The following DTNBP1 variants were observed in gnomAD, a reference collection of about 807,000 sequenced individuals.
DTNBP1 encodes dystrobrevin binding protein 1.
DTNBP1 carries 35 observed loss-of-function variants against 42.8 expected under a neutral mutation model. The ratio of observed to expected loss-of-function variants is 0.82; its 90% CI spans 0.63 to 1.09. The LOEUF is 1.09. DTNBP1 is among the 50% of genes least tolerant of loss of function. DTNBP1 has a pLI of 0.00. For synonymous variants in DTNBP1, 171 were observed against 162.2 expected, an observed-to-expected ratio of 1.05 and a Z score of -0.41; for missense variants, 457 against 424.2, an observed-to-expected ratio of 1.08 and a Z score of -0.68.
chr6:15,545,786 A>AT (rs1252625098), intron 7 of DTNBP1, among the ~76,000 whole-genome samples: 5 of 152,212 alleles, frequency 3.3e-5, no homozygotes, highest in African/African-American at 1.2e-4. Context: ...CCTTAAGGAA[A>AT]TGACCACTAT....
chr6:15,591,472 T>C (rs1776296399), intron 7 of DTNBP1, among the ~76,000 whole-genome samples: 1 of 152,166 alleles, frequency 6.6e-6, no homozygotes, highest in African/African-American at 2.4e-5. Context: ...ACACTGATAA[T>C]AAAAATCTAG....
chr6:15,592,305 A>C (rs1466492454), intron 7 of DTNBP1, among the ~76,000 whole-genome samples: 2 of 152,226 alleles, frequency 1.3e-5, no homozygotes, highest in East Asian at 1.9e-4. Flanking sequence ...TAATTCAAAA[A>C]GTTTTCTCAG....
chr6:15,571,018 A>G (rs1341437411), intron 7 of DTNBP1, among the ~76,000 whole-genome samples: 1 of 152,230 alleles, frequency 6.6e-6, no homozygotes, highest in Non-Finnish European at 1.5e-5. Context: ...ATTTTTAAGA[A>G]TAATAATGGT....
At chr6:15,529,550 C>T (rs1772663717) in intron 8 of DTNBP1, among the ~76,000 whole-genome samples, 1 of 152,230 alleles carries the variant, frequency 6.6e-6, no homozygotes, top group African/African-American at 2.4e-5. Flanking sequence ...GGCACTGGGT[C>T]CACGCTGGAG....
intron 4 of DTNBP1, among the ~76,000 whole-genome samples, chr6:15,634,986 G>A (rs1759925898): frequency 6.6e-6 from 1 of 152,112 alleles, no homozygotes. Flanking sequence ...ATAGAAAAAT[G>A]TTTTTATCTG....
chr6:15,661,278 C>T (rs893330818), intron 1 of DTNBP1, among the ~76,000 whole-genome samples: 5 of 148,746 alleles, frequency 3.4e-5, no homozygotes, highest in Non-Finnish European at 7.4e-5. Flanking sequence ...CTCTTGTACC[C>T]AGGAGTTGGA....
chr6:15,629,764 GAAGTT>G (rs1030919421), intron 4 of DTNBP1, among the ~76,000 whole-genome samples: 1 of 152,142 alleles, frequency 6.6e-6, no homozygotes, highest in Non-Finnish European at 1.5e-5. Context: ...GAGGTGTAAT[GAAGTT>G]AAGTTACTTC....
chr6:15,661,929 G>C (rs1761656988), intron 1 of DTNBP1, among the ~76,000 whole-genome samples: 1 of 152,166 alleles, frequency 6.6e-6, no homozygotes, highest in Non-Finnish European at 1.5e-5. Flanking sequence ...AGTACATTGA[G>C]GCAAGGCAGC....
chr6:15,595,656 T>C (rs1488112625), intron 6 of DTNBP1, among the ~76,000 whole-genome samples: 1 of 152,120 alleles, frequency 6.6e-6, no homozygotes, highest in Non-Finnish European at 1.5e-5. Flanking sequence ...TACTCCACCA[T>C]CTGTTAGAGG....
At chr6:15,657,563 C>T (rs1387891636) in intron 1 of DTNBP1, among the ~76,000 whole-genome samples, 3 of 152,210 alleles carry the variant, frequency 2.0e-5, no homozygotes, top group African/African-American at 7.2e-5. Flanking sequence ...TCAAGTTATT[C>T]TTCCAGAAAC....
chr6:15,593,125 A>C (rs905909420), intron 6 of DTNBP1, 44 bp from the exon 7 acceptor site: 1 of 1,518,714 alleles, frequency 6.6e-7, no homozygotes. Flanking sequence ...CAAATTAAAA[A>C]TCTCCCCAAT....
chr6:15,562,191 T>A (rs529782336), intron 7 of DTNBP1, among the ~76,000 whole-genome samples: 25 of 152,346 alleles, frequency 1.6e-4, no homozygotes, highest in African/African-American at 5.8e-4. Flanking sequence ...CTAATAAACT[T>A]GGGTTCACTT....
At chr6:15,543,246 A>C (rs1188816792) in intron 7 of DTNBP1, among the ~76,000 whole-genome samples, 2 of 152,202 alleles carry the variant, frequency 1.3e-5, no homozygotes, top group Non-Finnish European at 2.9e-5. Context: ...ACTTCGAAAT[A>C]ATTATAGGTT....
chr6:15,635,802 C>A (rs140195870), intron 4 of DTNBP1, among the ~76,000 whole-genome samples: 1 of 152,298 alleles, frequency 6.6e-6, no homozygotes, highest in East Asian at 1.9e-4. Context: ...CCTCAAATTG[C>A]TGTTAAGCAC....
At chr6:15,620,775 G>A (rs1420115708) in intron 5 of DTNBP1, among the ~76,000 whole-genome samples, 3 of 152,186 alleles carry the variant, frequency 2.0e-5, no homozygotes, top group Non-Finnish European at 4.4e-5. Flanking sequence ...ATGGGGGACG[G>A]GTTAAGAGCT....
At chr6:15,543,148 AGCACATTTTGGTG>A (rs1271498652) in intron 7 of DTNBP1, among the ~76,000 whole-genome samples, 3 of 152,224 alleles carry the variant, frequency 2.0e-5, no homozygotes, top group Non-Finnish European at 4.4e-5. Flanking sequence ...GACTACAACT[AGCACATTTTGGTG>A]TATACCCATC....
chr6:15,661,826 T>G (rs1310349453), intron 1 of DTNBP1, among the ~76,000 whole-genome samples: 1 of 152,254 alleles, frequency 6.6e-6, no homozygotes, highest in Non-Finnish European at 1.5e-5. Flanking sequence ...AATACTGACA[T>G]GATGCTTGCT....
At chr6:15,622,778 C>T (rs1214840711) in intron 5 of DTNBP1, among the ~76,000 whole-genome samples, 2 of 152,200 alleles carry the variant, frequency 1.3e-5, no homozygotes, top group African/African-American at 4.8e-5. Context: ...TGCAAGAAGG[C>T]CGTCCCAGAG....
At chr6:15,651,593 T>G (rs1314136050) in intron 2 of DTNBP1, among the ~76,000 whole-genome samples, 2 of 152,154 alleles carry the variant, frequency 1.3e-5, no homozygotes, top group Non-Finnish European at 2.9e-5. Context: ...TACAATAAAT[T>G]ATTTAATATA....
Sources: allele counts gnomAD v4.1 joint callset (sites outside exome capture counted in the v4.1 genomes callset), GRCh38; gene constraint gnomAD v4.1.1; transcripts MANE v1.5; gene names NCBI Gene and HGNC (gene_info 2026-07-23, HGNC 2026-07-21).